Variants in NCKAP5 observed in about 807,000 individuals in gnomAD.
The protein encoded by NCKAP5 is nck-associated protein 5.
Under a neutral mutation model 167.0 loss-of-function variants are expected in NCKAP5, and 92 were observed. The ratio of observed to expected loss-of-function variants is 0.55; its 90% CI spans 0.47 to 0.66. The LOEUF is 0.66. Ranked by LOEUF, NCKAP5 falls within the 30% of genes least tolerant of loss-of-function variation. The probability of loss-of-function intolerance (pLI) is 0.00; values close to 1 mark genes in which losing one functional copy is unlikely to be tolerated. For missense variants in NCKAP5, 2,378 were observed against 2,315.0 expected (o/e 1.03, Z -0.56); for synonymous variants, 891 against 877.4 (o/e 1.02, Z -0.27).
intron 3 of NCKAP5, among the ~76,000 whole-genome samples, chr2:133,432,241 T>G (rs1395532794): frequency 6.6e-6 from 1 of 152,198 alleles, no homozygotes; most frequent in African/African-American, 2.4e-5. Context: ...CATTATAGTT[T>G]CATGAGATAA....
intron 4 of NCKAP5, among the ~76,000 whole-genome samples, chr2:133,239,634 A>T (rs1038950957): frequency 1.3e-5 from 2 of 152,170 alleles, no homozygotes; most frequent in African/African-American, 2.4e-5. Flanking sequence ...CAGCCCATTA[A>T]CTGATTTCCT....
At chr2:133,243,141 G>T (rs992724717) in intron 4 of NCKAP5, among the ~76,000 whole-genome samples, 12 of 152,042 alleles carry the variant, frequency 7.9e-5, no homozygotes, top group African/African-American at 2.7e-4. Flanking sequence ...ACAAATCCTG[G>T]ATTCTTCCAT....
intron 11 of NCKAP5, among the ~76,000 whole-genome samples, chr2:132,815,602 C>T (rs4953997): frequency 0.041 from 6,181 of 152,134 alleles, 282 homozygotes; most frequent in East Asian, 0.13. Flanking sequence ...AAACCCTTTC[C>T]TAATGGTAGA....
intron 6 of NCKAP5, among the ~76,000 whole-genome samples, chr2:133,099,111 G>A (rs1008467069): frequency 3.3e-5 from 5 of 152,008 alleles, no homozygotes; most frequent in African/African-American, 1.2e-4. Flanking sequence ...GTACCGTATT[G>A]GGCAAGTTAC....
At chr2:133,440,709 C>CA (rs1174654151) in intron 3 of NCKAP5, among the ~76,000 whole-genome samples, 16,474 of 32,582 alleles carry the variant, frequency 0.51, 5,478 homozygotes, top group Non-Finnish European at 0.56. Context: ...GACTCTGTCT[C>CA]AAAAAAAAAA....
rs1220575693 is a variant in NCKAP5, at chr2:133,094,642, G to T, written c.341+35336C>A. ...ATCCCTAGAACTGTCAAGATGATGAGATATCACACCCTGATTATGTTATGA... is the reference window on the plus strand; with the variant it reads ...ATCCCTAGAACTGTCAAGATGATGATATATCACACCCTGATTATGTTATGA... On this transcript the variant is annotated intron_variant, in intron 6 of 19. Coordinates refer to ENST00000409261, the MANE Select transcript of NCKAP5 (RefSeq NM_207363.3). Among the ~76,000 whole-genome samples the T allele has an allele frequency of 2.6e-5, 4 of 152,148 alleles. No individual in the cohort carries two copies. In the East Asian group the frequency reaches 7.7e-4, roughly 29 times the overall value.
At chr2:133,574,096 A>C in the NCKAP5 span, among the ~76,000 whole-genome samples, 3 of 151,894 alleles carry the variant, frequency 2.0e-5, no homozygotes, top group South Asian at 2.1e-4. Context: ...CATTAAAATC[A>C]GTTGATAATA....
chr2:132,997,663 T>G (rs996507519), intron 6 of NCKAP5, among the ~76,000 whole-genome samples: 1 of 152,022 alleles, frequency 6.6e-6, no homozygotes, highest in African/African-American at 2.4e-5. Context: ...TTATTGGTAT[T>G]CAGGAAAATG....
At chr2:133,232,045 G>A (rs993425363) in intron 4 of NCKAP5, among the ~76,000 whole-genome samples, 2 of 152,156 alleles carry the variant, frequency 1.3e-5, no homozygotes, top group Admixed American at 6.5e-5. Flanking sequence ...TGTCATTCTC[G>A]ATCACAAAAG....
the NCKAP5 span, among the ~76,000 whole-genome samples, chr2:133,629,146 T>G: frequency 6.6e-6 from 1 of 152,172 alleles, no homozygotes; most frequent in Admixed American, 6.5e-5. Context: ...TGGGATTTAA[T>G]TAAACTAAAG....
chr2:133,551,772 C>T (rs1216211640), intron 2 of NCKAP5, among the ~76,000 whole-genome samples: 18 of 78,102 alleles, frequency 2.3e-4, no homozygotes, highest in South Asian at 1.3e-3. Context: ...AGAGCTTCTG[C>T]ACAGCAAAAG....
chr2:133,262,015 C>A (rs570465140), intron 4 of NCKAP5, among the ~76,000 whole-genome samples: 1 of 152,254 alleles, frequency 6.6e-6, no homozygotes, highest in South Asian at 2.1e-4. Context: ...CTCATCCAGT[C>A]CAAAGTGATA....
chr2:133,439,988 T>C (rs983731469), intron 3 of NCKAP5, among the ~76,000 whole-genome samples: 3 of 152,238 alleles, frequency 2.0e-5, no homozygotes, highest in Admixed American at 6.5e-5. Context: ...TCGGGTATGT[T>C]GTTTCTATGT....
intron 3 of NCKAP5, among the ~76,000 whole-genome samples, chr2:133,382,394 G>A (rs1686592240): frequency 6.6e-6 from 1 of 152,082 alleles, no homozygotes; most frequent in African/African-American, 2.4e-5. Context: ...AATCAGAATG[G>A]TATGCCACTC....
intron 3 of NCKAP5, among the ~76,000 whole-genome samples, chr2:133,438,094 C>G (rs1690607328): frequency 6.6e-6 from 1 of 152,144 alleles, no homozygotes; most frequent in Non-Finnish European, 1.5e-5. Context: ...TTATTTCTTT[C>G]CTCTGCAATT....
chr2:133,526,888 T>C (rs754963617), intron 2 of NCKAP5, among the ~76,000 whole-genome samples: 3 of 152,152 alleles, frequency 2.0e-5, no homozygotes, highest in Non-Finnish European at 4.4e-5. Flanking sequence ...CCCCAGTGGA[T>C]TGGAAGAATA....
At chr2:132,722,335 G>A (rs547311550) in intron 19 of NCKAP5, among the ~76,000 whole-genome samples, 1 of 152,288 alleles carries the variant, frequency 6.6e-6, no homozygotes, top group African/African-American at 2.4e-5. Context: ...CAGAGGAAGG[G>A]GTAGGACAGA....
intron 6 of NCKAP5, among the ~76,000 whole-genome samples, chr2:133,094,760 T>G (rs892508991): frequency 6.6e-6 from 1 of 152,214 alleles, no homozygotes; most frequent in Non-Finnish European, 1.5e-5. Context: ...AATCTAATCA[T>G]ACATGCCCTT....
chr2:133,647,620 AAGAT>A, the NCKAP5 span, among the ~76,000 whole-genome samples: 453 of 143,910 alleles, frequency 3.1e-3, 4 homozygotes, highest in African/African-American at 0.01. Flanking sequence ...GAGAGACAGA[AAGAT>A]AGAAGGAAGG....
Sources: gnomAD v4.1 joint callset for allele counts (sites outside exome capture counted in the v4.1 genomes callset) on GRCh38, gnomAD v4.1.1 for gene constraint, MANE v1.5 for transcripts, NCBI Gene and HGNC (gene_info 2026-07-23, HGNC 2026-07-21) for gene names.